Variants in CPN1 observed in about 807,000 individuals in gnomAD.
CPN1 encodes carboxypeptidase N catalytic chain.
Under a neutral mutation model 46.4 loss-of-function variants are expected in CPN1, and 37 were observed. That is an observed-to-expected ratio of 0.80 (90% CI 0.61 to 1.05). The LOEUF (loss-of-function observed/expected upper bound fraction) is 1.05, where lower values mean the gene tolerates loss of function less well. Ranked by LOEUF, CPN1 falls within the 50% of genes least tolerant of loss-of-function variation. The pLI, the probability that CPN1 is intolerant of heterozygous loss-of-function variation, is 0.00. For missense variants in CPN1, 563 were observed against 602.6 expected, an observed-to-expected ratio of 0.93 and a Z score of 0.69; for synonymous variants, 224 against 235.4, an observed-to-expected ratio of 0.95 and a Z score of 0.44.
intron 8 of CPN1, 85 bp from the exon 9 acceptor site, chr10:100,042,658 A>G (rs2041282920): frequency 6.4e-7 from 1 of 1,554,342 alleles, no homozygotes; most frequent in African/African-American, 1.4e-5. Flanking sequence ...GGTACTAGGG[A>G]AAATTATTAT....
chr10:100,061,446 T>C (rs1441174166), intron 5 of CPN1, among the ~76,000 whole-genome samples: 2 of 152,278 alleles, frequency 1.3e-5, no homozygotes, highest in Non-Finnish European at 1.5e-5. Context: ...CTGAAACTTC[T>C]GGCTAAATAC....
intron 3 of CPN1, among the ~76,000 whole-genome samples, chr10:100,068,131 G>C (rs1453157374): frequency 1.4e-5 from 2 of 146,482 alleles, no homozygotes; most frequent in Non-Finnish European, 3.0e-5. Flanking sequence ...CAGCCTGGAG[G>C]GTAAAAGAGC....
At chr10:100,051,994 G>A (rs994644554) in intron 7 of CPN1, among the ~76,000 whole-genome samples, 3 of 151,982 alleles carry the variant, frequency 2.0e-5, no homozygotes, top group South Asian at 2.1e-4. Flanking sequence ...TCCACCTCCC[G>A]GGTTCAAATG....
At chr10:100,064,735 G>C (rs534255028) in intron 4 of CPN1, among the ~76,000 whole-genome samples, 9 of 151,904 alleles carry the variant, frequency 5.9e-5, no homozygotes, top group Non-Finnish European at 1.3e-4. Flanking sequence ...TAAAATTAAT[G>C]TTAACATATC....
At position 100,042,325 on chromosome 10, in the gene CPN1, T is replaced by C. The variant is rs2041279186; in HGVS notation, c.*102A>G. 1 of 1,464,742 alleles carries C rather than the reference T, an allele frequency of 6.8e-7. No individual in the cohort carries two copies. The highest frequency in any genetic ancestry group is 1.4e-5 in the African/African-American group (1 of 72,070). The allele number at this position is 1,464,742 out of a possible 1,614,324, so 90.7% of individuals were successfully genotyped here. A position where few individuals can be genotyped will look rare whatever the true frequency, so the allele number is the denominator to read the frequency against. ...CCATTCTGAATTGTTCTGAATATGTTTGTATTTAAATATGTCCCAGATAAT... is the reference window on the plus strand; with the variant it reads ...CCATTCTGAATTGTTCTGAATATGTCTGTATTTAAATATGTCCCAGATAAT... On this transcript the variant is annotated 3_prime_UTR_variant, in exon 9 of 9. Coordinates refer to ENST00000370418, the MANE Select transcript of CPN1 (RefSeq NM_001308.3).
rs765889934 is a variant in CPN1, at chr10:100,042,437, C to T, written c.1367G>A (p.Gly456Asp). The change falls in exon 9 of 9, where the codon GGC (glycine) becomes GAC (aspartate). Residue 456 changes from glycine (G) to aspartate (D), a missense_variant. By Grantham distance (94) the Gly-to-Asp change is moderately conservative. Transcript: ENST00000370418. Reference sequence around the variant, plus strand: ...CTGGCACTGTGGGTTTCAGGCAGGGCCTCTCTGCAGCTGCCTCATCTCCAT... The same window carrying T: ...CTGGCACTGTGGGTTTCAGGCAGGGTCTCTCTGCAGCTGCCTCATCTCCAT... Reference protein sequence around the residue: ...KEMEMRQLQRGPA With the variant: ...KEMEMRQLQRDPA 3 of 1,613,000 alleles carry T rather than the reference C, an allele frequency of 1.9e-6. No homozygotes were observed. The African/African-American group carries it at 4.0e-5, about 22-fold the overall frequency.
intron 3 of CPN1, among the ~76,000 whole-genome samples, chr10:100,067,963 C>G (rs930023829): frequency 1.3e-5 from 2 of 151,724 alleles, no homozygotes; most frequent in African/African-American, 4.8e-5. Flanking sequence ...ACCAGCCTGA[C>G]CAACATGGTA....
At position 100,048,809 on chromosome 10, in the gene CPN1, C is replaced by T. The variant is rs1029723666; in HGVS notation, c.1179G>A (p.Gly393=). The change falls in exon 8 of 9, where the codon GGG becomes GGA. Residue 393 remains glycine (G), a synonymous_variant. Transcript: ENST00000370418. ...TCACAGTTACTGTCTCTGGGTCATA[C>T]CCAGGTGCTGTGGCACTAACAGTGT... ...GIYTVSATAP[G]YDPETVTVTV... 1.9e-6 allele frequency: 3 copies of T among 1,613,750 alleles called. No homozygotes were observed. In the African/African-American group the frequency reaches 4.0e-5, roughly 22 times the overall value.
intron 2 of CPN1, among the ~76,000 whole-genome samples, chr10:100,070,526 A>G (rs1279540763): frequency 6.6e-6 from 1 of 152,138 alleles, no homozygotes; most frequent in African/African-American, 2.4e-5. Context: ...GGCAAGAGCT[A>G]CTACATGCAG....
intron 2 of CPN1, among the ~76,000 whole-genome samples, chr10:100,072,366 G>A (rs1277276738): frequency 6.6e-6 from 1 of 151,992 alleles, no homozygotes; most frequent in African/African-American, 2.4e-5. Flanking sequence ...GTAAAGATGG[G>A]GTTTTGCCAT....
At chr10:100,063,423 C>T (rs904894741) in intron 5 of CPN1, among the ~76,000 whole-genome samples, 191 bp downstream of exon 5, 2 of 152,092 alleles carry the variant, frequency 1.3e-5, no homozygotes, top group African/African-American at 4.8e-5. Context: ...GCCCAGCCAT[C>T]CCCACCTTAG....
At chr10:100,045,516 T>A (rs2041302911) in intron 8 of CPN1, among the ~76,000 whole-genome samples, 1 of 152,188 alleles carries the variant, frequency 6.6e-6, no homozygotes, top group Non-Finnish European at 1.5e-5. Context: ...TCAAAGGACT[T>A]AAAGCATAGT....
At chr10:100,044,447 T>C (rs1239871694) in intron 8 of CPN1, among the ~76,000 whole-genome samples, 1 of 152,136 alleles carries the variant, frequency 6.6e-6, no homozygotes, top group East Asian at 1.9e-4. Context: ...CAATCACGGT[T>C]CACTGCAGGC....
At position 100,065,251 on chromosome 10, in the gene CPN1, G is replaced by A. The variant is rs752347081; in HGVS notation, c.696C>T (p.His232=). The A allele has an allele frequency of 3.0e-5, 48 of 1,614,158 alleles. No homozygotes were observed. The highest frequency in any genetic ancestry group is 4.1e-5 in the Non-Finnish European group (48 of 1,180,032). The part of the protein sequence containing the change: ...ANYPYDKSFE[H]RVRGVRRTAS... ...CGGTGCGGCGGACCCCTCGGACCCG[G>A]TGCTCAAAGGACTTGTCATACGGGT... Residue 232 remains histidine (H), a synonymous_variant, in exon 4 of 9, where the codon CAC becomes CAT. Transcript: ENST00000370418.
rs1472733700 is a variant in CPN1, at chr10:100,065,211, G to GC, written c.735dup (p.Pro246AlafsTer2). ...ACCTTCTGGAAGAGCTTGTCGTCAG[G>GC]CGTGGGGGTGCTGGCGGTGCGGCGG... On this transcript the variant is annotated frameshift_variant, in exon 4 of 9. Coordinates refer to ENST00000370418, the MANE Select transcript of CPN1 (RefSeq NM_001308.3). LOFTEE classifies it high-confidence loss of function. The GC allele has an allele frequency of 1.9e-6, 3 of 1,613,970 alleles. No homozygotes were observed.
intron 5 of CPN1, among the ~76,000 whole-genome samples, chr10:100,060,387 C>T (rs1211591747): frequency 6.6e-6 from 1 of 151,974 alleles, no homozygotes; most frequent in Admixed American, 6.6e-5. Context: ...CATGGTGAAA[C>T]CCCGTCCCTA....
chr10:100,054,841 C>CTTTTTTTTTTTTTT (rs56250435), intron 6 of CPN1, among the ~76,000 whole-genome samples: 9 of 132,752 alleles, frequency 6.8e-5, no homozygotes, highest in South Asian at 2.4e-4. Flanking sequence ...TTCTTTCTTT[C>CTTTTTTTTTTTTTT]TTTTTTTTTT....
rs2041474897 is a variant in CPN1 at position 100,069,874 on chromosome 10, A to C, written c.421-5T>G. On this transcript the variant is annotated splice_polypyrimidine_tract_variant and splice_region_variant and intron_variant, in intron 2 of 8. Coordinates refer to ENST00000370418, the MANE Select transcript of CPN1 (RefSeq NM_001308.3). ...ATACCCAGGCTTGTTTGGGCCCTAAAGGAAAATGAAAAGATGAAAAATGAA... is the reference window on the plus strand; with the variant it reads ...ATACCCAGGCTTGTTTGGGCCCTAACGGAAAATGAAAAGATGAAAAATGAA... The C allele has an allele frequency of 1.2e-6, 2 of 1,613,246 alleles. No individual in the cohort carries two copies. Among genetic ancestry groups the C allele is most frequent in the Non-Finnish European group, 1.7e-6 (2 of 1,179,950 alleles).
At chr10:100,068,947 T>A (rs774051483) in intron 3 of CPN1, among the ~76,000 whole-genome samples, 1 of 152,200 alleles carries the variant, frequency 6.6e-6, no homozygotes, top group Non-Finnish European at 1.5e-5. Context: ...AGAAAGAATG[T>A]TGGAATAAGA....
Sources: gnomAD v4.1 joint callset for allele counts (sites outside exome capture counted in the v4.1 genomes callset) on GRCh38, gnomAD v4.1.1 for gene constraint, MANE v1.5 for transcripts, NCBI Gene and HGNC (gene_info 2026-07-23, HGNC 2026-07-21) for gene names.